Variants in CPAMD8 observed in about 807,000 individuals in gnomAD.
The protein encoded by CPAMD8 is C3 and PZP like alpha-2-macroglobulin domain containing 8.
A neutral mutation model predicts 224.7 loss-of-function variants in CPAMD8; 146 were observed. The observed-to-expected ratio is 0.65, with a 90% CI of 0.57 to 0.75. CPAMD8 has a LOEUF of 0.75. Ranked by LOEUF, CPAMD8 falls within the 30% of genes least tolerant of loss-of-function variation. The pLI is 0.00. For missense variants in CPAMD8, 2,301 were observed against 2,537.5 expected (o/e 0.91, Z 2.00); for synonymous variants, 966 against 1,044.6 (o/e 0.92, Z 1.45).
At chr19:17,025,725 G>A (rs559934669) in intron 1 of CPAMD8, among the ~76,000 whole-genome samples, 3 of 152,304 alleles carry the variant, frequency 2.0e-5, no homozygotes, top group South Asian at 2.1e-4. Flanking sequence ...TTTGAAAGAA[G>A]CATTAGGATG....
intron 27 of CPAMD8, among the ~76,000 whole-genome samples, chr19:16,917,740 C>CA (rs945380434): frequency 6.6e-5 from 10 of 151,664 alleles, no homozygotes; most frequent in African/African-American, 1.9e-4. Context: ...GATCTTGTCT[C>CA]AAAAAAAATT....
intron 3 of CPAMD8, among the ~76,000 whole-genome samples, chr19:17,019,737 ATT>A (rs10717101): frequency 5.2e-4 from 76 of 146,928 alleles, no homozygotes; most frequent in Admixed American, 1.1e-3. Context: ...TAATTTTTGT[ATT>A]TTTTTTTTTT....
intron 41 of CPAMD8, chr19:16,894,919 A>AC (rs1352840700): frequency 2.2e-5 from 3 of 134,678 alleles, no homozygotes; most frequent in South Asian, 1.2e-4. Context: ...CCCCATCTCT[A>AC]CAACACACAC....
intron 2 of CPAMD8, 117 bp from the exon 3 acceptor site, chr19:17,020,470 AAC>A: frequency 2.7e-6 from 2 of 741,334 alleles, no homozygotes; most frequent in Non-Finnish European, 4.8e-6. Context: ...CATGTGGACA[AAC>A]ACACCCTGGG....
At chr19:17,001,315 C>G (rs1167170870) in intron 9 of CPAMD8, among the ~76,000 whole-genome samples, 1 of 114,736 alleles carries the variant, frequency 8.7e-6, no homozygotes, top group Non-Finnish European at 1.8e-5. Flanking sequence ...AGTAAGACTC[C>G]GTCTGAAAAA....
Position 16,975,269 on chromosome 19 carries a change from AG to A in CPAMD8, c.1909-12del. ...CAGTTCCTGGAAAACCTGCAGGCAAAGGGGGACAGAGACTTGTCAGCTGAAG... is the reference window on the plus strand; with the variant it reads ...CAGTTCCTGGAAAACCTGCAGGCAAAGGGGACAGAGACTTGTCAGCTGAAG... On this transcript the variant is annotated splice_polypyrimidine_tract_variant and intron_variant, in intron 16 of 41. Coordinates refer to ENST00000443236, the MANE Select transcript of CPAMD8 (RefSeq NM_015692.5). 6.3e-7 allele frequency: 1 copy of A among 1,594,256 alleles called. No individual in the cohort carries two copies.
intron 18 of CPAMD8, among the ~76,000 whole-genome samples, chr19:16,965,706 A>G (rs924171303): frequency 6.6e-6 from 1 of 152,150 alleles, no homozygotes; most frequent in Non-Finnish European, 1.5e-5. Flanking sequence ...TAACAGACAA[A>G]CAGAGAGCCA....
intron 11 of CPAMD8, among the ~76,000 whole-genome samples, chr19:16,994,454 G>A (rs1315713381): frequency 6.6e-6 from 1 of 151,502 alleles, no homozygotes; most frequent in African/African-American, 2.4e-5. Flanking sequence ...CCTCAGCTGT[G>A]CAGGTATCTG....
intron 22 of CPAMD8, 37 bp downstream of exon 22, chr19:16,945,512 C>A: frequency 6.2e-7 from 1 of 1,603,234 alleles, no homozygotes; most frequent in South Asian, 1.1e-5. Context: ...AGGAATGAGG[C>A]CCTGGCTAAG....
chr19:16,901,656 C>T (rs141637669), intron 35 of CPAMD8, among the ~76,000 whole-genome samples: 2 of 152,346 alleles, frequency 1.3e-5, no homozygotes, highest in African/African-American at 4.8e-5. Flanking sequence ...GGTGCTTCAA[C>T]ACTGCCACCC....
chr19:16,896,069 G>A (rs1371569565), intron 41 of CPAMD8, 107 bp downstream of exon 41: 3 of 1,270,996 alleles, frequency 2.4e-6, no homozygotes, highest in Non-Finnish European at 3.4e-6. Flanking sequence ...GGGGGTCGGG[G>A]CGGGGCGGAG....
In CPAMD8 at chr19:16,947,140, G is replaced by A; in HGVS notation, c.2596C>T (p.Pro866Ser). The change falls in exon 21 of 42, where the codon CCC becomes TCC. Residue 866 changes from proline to serine, a missense_variant. Physicochemically the swap from Pro to Ser is moderately conservative, Grantham distance 74. This residue lies in a region of CPAMD8 where 1,709 missense variants were observed against 1,753.2 expected (regional missense o/e 0.97). Transcript: ENST00000443236. ...ACCCAGATGGGCTCAGCCTCCCCGG[G>A]GGCCACACACATCTTCTTGGTCACA... ...RHVTKKMCVAPGEAEPIWVVL... is the reference protein window; with the variant it reads ...RHVTKKMCVASGEAEPIWVVL... The A allele has an allele frequency of 6.2e-7, 1 of 1,613,690 alleles. No homozygotes were observed. The highest frequency in any genetic ancestry group is 8.5e-7 in the Non-Finnish European group (1 of 1,179,750).
rs1181961549 is a variant in CPAMD8 at position 16,993,600 on chromosome 19, C to T, written c.1096-14G>A. On this transcript the variant is annotated splice_polypyrimidine_tract_variant and intron_variant, in intron 11 of 41. Transcript: ENST00000443236. ...GGATAGCTCCACCTAGAAAAGGTCA[C>T]CCAAGACACAACAGAGTTAAGACGG... The T allele has an allele frequency of 1.9e-6, 3 of 1,613,164 alleles. No individual in the cohort carries two copies. The African/African-American group carries it at 4.0e-5, about 22-fold the overall frequency.
Position 17,026,691 on chromosome 19 carries a change from G to C in CPAMD8, c.-49C>G, listed in dbSNP as rs2057093469. ...CGCCTGGGGAGGGGGCCGGGCCAGG[G>C]CTGGGCCAGGGCCAGGGTCCGAGCG... On this transcript the variant is annotated 5_prime_UTR_variant, in exon 1 of 42. Transcript: ENST00000443236. 2.3e-6 allele frequency: 3 copies of C among 1,332,182 alleles called. No homozygotes were observed. The highest frequency in any genetic ancestry group is 1.8e-5 in the South Asian group (1 of 54,356). The allele number at this position is 1,332,182 out of a possible 1,614,324, so 82.5% of individuals were successfully genotyped here. A position where few individuals can be genotyped will look rare whatever the true frequency, so the allele number is the denominator to read the frequency against.
chr19:16,969,291 C>G (rs2054965490), intron 18 of CPAMD8, among the ~76,000 whole-genome samples: 2 of 152,058 alleles, frequency 1.3e-5, no homozygotes, highest in African/African-American at 4.8e-5. Flanking sequence ...CCAATGGCCC[C>G]CAGGGAACAT....
At chr19:16,987,183 T>TATATATATATATATAC (rs2055771224) in intron 13 of CPAMD8, among the ~76,000 whole-genome samples, 1 of 51,902 alleles carries the variant, frequency 1.9e-5, no homozygotes, top group Non-Finnish European at 3.6e-5. Context: ...AAAAAAAATA[T>TATATATATATATATAC]ATATATATAT....
At chr19:16,955,983 C>T (rs953427549) in intron 19 of CPAMD8, among the ~76,000 whole-genome samples, 27 of 152,234 alleles carry the variant, frequency 1.8e-4, no homozygotes, top group South Asian at 4.1e-4. Context: ...CGCCTTTAAA[C>T]GGGTGTGGTT....
Position 16,977,454 on chromosome 19 carries a change from G to C in CPAMD8, c.1672C>G (p.Arg558Gly), listed in dbSNP as rs553062121. 1.2e-6 allele frequency: 2 copies of C among 1,610,028 alleles called. No individual in the cohort carries two copies. Among genetic ancestry groups the C allele is most frequent in the East Asian group, 2.2e-5 (1 of 44,812 alleles). ...AVTPSMVPLG[R>G]LLVFYVRENG... The stretch of plus-strand genomic sequence containing the variant: ...TCCCTGACGTAGAAGACCAGCAGGC[G>C]ACCAAGGGGGACCATGCTGGGGGTC... The change falls in exon 15 of 42, where the codon CGC (arginine) becomes GGC (glycine). Residue 558 changes from arginine to glycine, a missense_variant. Arg to Gly is a moderately radical substitution (Grantham distance 125, BLOSUM62 -2). Coordinates refer to ENST00000443236, the MANE Select transcript of CPAMD8 (RefSeq NM_015692.5).
At chr19:16,938,280 G>T in intron 23 of CPAMD8, 115 bp downstream of exon 23, 1 of 562,214 alleles carries the variant, frequency 1.8e-6, no homozygotes, top group Non-Finnish European at 3.1e-6. Flanking sequence ...CCCAGGGGAA[G>T]GGCAGGTGCT....
Sources: allele counts gnomAD v4.1 joint callset (sites outside exome capture counted in the v4.1 genomes callset), GRCh38; gene constraint gnomAD v4.1.1; regional missense constraint gnomAD v4.1.1; transcripts MANE v1.5; gene names NCBI Gene and HGNC (gene_info 2026-07-23, HGNC 2026-07-21).